The following CLSTN2 variants were observed in gnomAD, a reference collection of about 807,000 sequenced individuals.
CLSTN2 encodes calsyntenin-2.
A neutral mutation model predicts 101.2 loss-of-function variants in CLSTN2; 48 were observed. That is an observed-to-expected ratio of 0.47 (90% confidence interval 0.38 to 0.60). The LOEUF is 0.60. Ranked by LOEUF, CLSTN2 falls within the 20% of genes least tolerant of loss-of-function variation. The pLI, the probability that CLSTN2 is intolerant of heterozygous loss-of-function variation, is 0.00. For missense variants in CLSTN2, 1,160 were observed against 1,238.2 expected (o/e 0.94, Z 0.95); for synonymous variants, 481 against 463.6 (o/e 1.04, Z -0.48).
intron 1 of CLSTN2, among the ~76,000 whole-genome samples, chr3:140,047,609 T>C (rs904594795): frequency 1.3e-5 from 2 of 152,246 alleles, no homozygotes; most frequent in African/African-American, 4.8e-5. Flanking sequence ...TTATAGAAGC[T>C]GAGAAGCCCA....
Position 140,556,622 on chromosome 3 carries a change from C to A in CLSTN2, c.1784C>A (p.Thr595Lys). The change falls in exon 11 of 17, where the codon ACG becomes AAG. Residue 595 changes from threonine (T) to lysine (K), a missense_variant. By Grantham distance (78) the Thr-to-Lys change is moderately conservative. Transcript: ENST00000458420. ...TACATCAACTCCAGGCAGTTCCCAA[C>A]GGCGGGTGTGCGGCGCCTCAAAGTA... ...VSYINSRQFP[T>K]AGVRRLKVSS... The A allele has an allele frequency of 6.2e-7, 1 of 1,614,080 alleles. No individual in the cohort carries two copies. The highest frequency in any genetic ancestry group is 8.5e-7 in the Non-Finnish European group (1 of 1,179,976).
chr3:140,307,620 G>A (rs2087127588), intron 2 of CLSTN2, among the ~76,000 whole-genome samples: 1 of 152,096 alleles, frequency 6.6e-6, no homozygotes, highest in Non-Finnish European at 1.5e-5. Context: ...TTCAGGACGT[G>A]GCACATAGAG....
chr3:140,555,162 C>A (rs1935770630), intron 10 of CLSTN2, among the ~76,000 whole-genome samples: 1 of 152,204 alleles, frequency 6.6e-6, no homozygotes, highest in African/African-American at 2.4e-5. Context: ...AGTTTCATGG[C>A]AGAGAGAAAG....
In CLSTN2 at chr3:140,510,039, T is replaced by TA. The variant is rs1296482588; in HGVS notation, c.1345-22284dup. Among the ~76,000 whole-genome samples, 11 of 152,346 alleles carry TA rather than the reference T, an allele frequency of 7.2e-5. 1 individual carries two copies. In the East Asian group the frequency reaches 2.1e-3, roughly 29 times the overall value. The stretch of plus-strand genomic sequence containing the variant: ...CTACCTTCCATGTGCTCAGAACACT[T>TA]ACATTAGCCTACAATTGGGCAAATC... On this transcript the variant is annotated intron_variant, in intron 8 of 16. Transcript: ENST00000458420.
At chr3:140,436,937 G>T (rs917679795) in intron 5 of CLSTN2, among the ~76,000 whole-genome samples, 8 of 152,102 alleles carry the variant, frequency 5.3e-5, no homozygotes, top group Non-Finnish European at 1.2e-4. Context: ...GTTCCCCAGT[G>T]CCAGTGTCTG....
At chr3:140,343,247 C>A (rs1021455261) in intron 2 of CLSTN2, among the ~76,000 whole-genome samples, 1 of 152,140 alleles carries the variant, frequency 6.6e-6, no homozygotes, top group African/African-American at 2.4e-5. Flanking sequence ...AAAACTACCC[C>A]CTAGCTCTGC....
At chr3:140,279,870 C>A (rs1034390321) in intron 2 of CLSTN2, among the ~76,000 whole-genome samples, 1 of 152,330 alleles carries the variant, frequency 6.6e-6, no homozygotes, top group African/African-American at 2.4e-5. Context: ...GGTTTCTACA[C>A]CCATTGGCAT....
intron 1 of CLSTN2, among the ~76,000 whole-genome samples, chr3:140,048,535 T>C (rs1263181856): frequency 1.3e-5 from 2 of 152,226 alleles, no homozygotes; most frequent in Non-Finnish European, 2.9e-5. Flanking sequence ...ACACATTAAT[T>C]TAGACCTCAC....
At chr3:140,005,716 G>A (rs1279933653) in intron 1 of CLSTN2, among the ~76,000 whole-genome samples, 1 of 152,154 alleles carries the variant, frequency 6.6e-6, no homozygotes. Context: ...AAGGGTGTGG[G>A]GCTAGAGAAG....
intron 1 of CLSTN2, among the ~76,000 whole-genome samples, chr3:140,109,674 G>C (rs2009120617): frequency 6.6e-6 from 1 of 152,098 alleles, no homozygotes; most frequent in Admixed American, 6.5e-5. Context: ...GAATTCTTAG[G>C]GAACTAAGGA....
chr3:140,408,290 C>A (rs950690953), intron 4 of CLSTN2, among the ~76,000 whole-genome samples: 2 of 152,132 alleles, frequency 1.3e-5, no homozygotes, highest in Non-Finnish European at 2.9e-5. Flanking sequence ...CCCCAAATGA[C>A]CTCTTTCAAT....
rs1165888841 is a variant in CLSTN2 at position 140,257,560 on chromosome 3, GGGTGTGT to G, written c.232+81489_232+81495del. 9.3e-4 allele frequency among the ~76,000 whole-genome samples: 106 copies of G among 114,256 alleles called. 1 individual carries two copies. The highest frequency in any genetic ancestry group is 5.0e-3 in the South Asian group (17 of 3,394). The allele number at this position is 114,256 out of a possible 152,430, so 75.0% of individuals were successfully genotyped here. A position where few individuals can be genotyped will look rare whatever the true frequency, so the allele number is the denominator to read the frequency against. On this transcript the variant is annotated intron_variant, in intron 2 of 16. Transcript: ENST00000458420. ...GTATTCCCTGCCTATTTCTTTCTAG[GGGTGTGT>G]GTGTGTGTGTGTGTGTGTGTGTGTG...
In CLSTN2 at chr3:140,098,299, T is replaced by C. The variant is rs556279807; in HGVS notation, c.110-77652T>C. On this transcript the variant is annotated intron_variant, in intron 1 of 16. Transcript: ENST00000458420. ...TACACCAGGCCTTCCACAATCCAAG[T>C]TGTAATCTTCTACCAACTTCTGCAA... Among the ~76,000 whole-genome samples, 5 of 152,190 alleles carry C rather than the reference T, an allele frequency of 3.3e-5. No individual in the cohort carries two copies. The South Asian group carries it at 1.0e-3, about 32-fold the overall frequency.
chr3:140,489,033 CAT>C (rs1344481758), intron 8 of CLSTN2, among the ~76,000 whole-genome samples: 7 of 152,112 alleles, frequency 4.6e-5, no homozygotes, highest in Non-Finnish European at 1.0e-4. Flanking sequence ...TTTTGAAAAA[CAT>C]AAATTAGTTT....
intron 2 of CLSTN2, among the ~76,000 whole-genome samples, chr3:140,231,221 A>G (rs1472711437): frequency 6.6e-6 from 1 of 152,040 alleles, no homozygotes; most frequent in Non-Finnish European, 1.5e-5. Context: ...ATGTCACCCA[A>G]GAGCCCTTTC....
At chr3:140,481,359 A>G (rs1934112287) in intron 8 of CLSTN2, among the ~76,000 whole-genome samples, 2 of 152,172 alleles carry the variant, frequency 1.3e-5, no homozygotes. Context: ...GCCTTGTAGT[A>G]TAGTTTGAAG....
chr3:140,392,597 T>C (rs983448334), intron 2 of CLSTN2, among the ~76,000 whole-genome samples: 3 of 152,132 alleles, frequency 2.0e-5, no homozygotes, highest in Non-Finnish European at 2.9e-5. Flanking sequence ...ATTTCAAGCA[T>C]TCCAACACCA....
intron 4 of CLSTN2, among the ~76,000 whole-genome samples, chr3:140,420,587 C>T (rs561933242): frequency 2.3e-4 from 35 of 152,280 alleles, no homozygotes; most frequent in African/African-American, 8.4e-4. Context: ...GTGTGTTATT[C>T]TATGTCGCTT....
intron 2 of CLSTN2, among the ~76,000 whole-genome samples, chr3:140,240,081 C>T (rs2086447125): frequency 6.8e-6 from 1 of 146,772 alleles, no homozygotes; most frequent in Non-Finnish European, 1.5e-5. Context: ...TTGGCATTTC[C>T]TCAACCTCCA....
Sources: allele counts gnomAD v4.1 joint callset (sites outside exome capture counted in the v4.1 genomes callset), GRCh38; gene constraint gnomAD v4.1.1; transcripts MANE v1.5; gene names NCBI Gene and HGNC (gene_info 2026-07-23, HGNC 2026-07-21).